The following SLC36A4 variants were observed in gnomAD, a reference collection of about 807,000 sequenced individuals.
SLC36A4 encodes solute carrier family 36 member 4.
Under a neutral mutation model 50.5 loss-of-function variants are expected in SLC36A4, and 49 were observed. The ratio of observed to expected loss-of-function variants is 0.97; its 90% CI spans 0.77 to 1.23. The LOEUF (loss-of-function observed/expected upper bound fraction) is 1.23, where lower values mean the gene tolerates loss of function less well. Among genes scored for constraint, SLC36A4 ranks in the 50% most tolerant of loss-of-function variants. SLC36A4 has a pLI of 0.00. For synonymous variants in SLC36A4, 207 were observed against 206.5 expected (o/e 1.00, Z -0.02); for missense variants, 611 against 608.4 (o/e 1.00, Z -0.05).
rs1859847979 is a variant in SLC36A4, at chr11:93,146,523, A to T, written c.*2014T>A. Reference sequence around the variant, plus strand: ...CTGTTGATACCTAATGTGAATGGTTAAAAAAGTTTTGATTCTTATGACTTT... The same window carrying T: ...CTGTTGATACCTAATGTGAATGGTTTAAAAAGTTTTGATTCTTATGACTTT... On this transcript the variant is annotated 3_prime_UTR_variant, in exon 11 of 11. Transcript: ENST00000326402. 1 of 151,988 alleles carries T rather than the reference A, an allele frequency of 6.6e-6. No individual in the cohort carries two copies. The allele number at this position is 151,988 out of a possible 1,614,324, so 9.4% of individuals were successfully genotyped here. A position where few individuals can be genotyped will look rare whatever the true frequency, so the allele number is the denominator to read the frequency against.
intron 10 of SLC36A4, among the ~76,000 whole-genome samples, chr11:93,151,506 A>C (rs1412002380): frequency 6.6e-6 from 1 of 152,058 alleles, no homozygotes; most frequent in Non-Finnish European, 1.5e-5. Context: ...ATAACTTAGC[A>C]CATTCATTTT....
intron 10 of SLC36A4, among the ~76,000 whole-genome samples, chr11:93,151,460 C>G (rs1860083668): frequency 6.6e-6 from 1 of 151,984 alleles, no homozygotes; most frequent in Non-Finnish European, 1.5e-5. Flanking sequence ...AAACAAAGCA[C>G]TTGATATTAC....
intron 1 of SLC36A4, among the ~76,000 whole-genome samples, chr11:93,191,967 A>G (rs1317061949): frequency 2.0e-5 from 3 of 152,196 alleles, no homozygotes; most frequent in African/African-American, 7.2e-5. Context: ...ATGGTTTCCT[A>G]TTCAATTTCA....
chr11:93,176,781 C>T lies in SLC36A4; in HGVS notation c.540+4016G>A, dbSNP rs560821230. ...TCAGAATGTTGAATATTGGACCCCA[C>T]TCTCTTCTGGCTTGTGGAGTTTCTG... On this transcript the variant is annotated intron_variant, in intron 6 of 10. Transcript: ENST00000326402. Among the ~76,000 whole-genome samples, 4 of 152,318 alleles carry T rather than the reference C, an allele frequency of 2.6e-5. No individual in the cohort carries two copies. The East Asian group carries it at 7.7e-4, about 29-fold the overall frequency.
At chr11:93,159,725 TTACTC>T (rs1414975509) in intron 9 of SLC36A4, 46 of 699,988 alleles carry the variant, frequency 6.6e-5, no homozygotes, top group Non-Finnish European at 7.9e-5. Context: ...ATGTACAGTA[TTACTC>T]ATAACTAATT....
At chr11:93,186,450 T>C (rs1158880180) in intron 1 of SLC36A4, among the ~76,000 whole-genome samples, 2 of 152,228 alleles carry the variant, frequency 1.3e-5, no homozygotes, top group East Asian at 1.9e-4. Flanking sequence ...ATATTGCATT[T>C]AATTGAGTTG....
At chr11:93,185,864 T>A in intron 1 of SLC36A4, 50 bp from the exon 2 acceptor site, 1 of 1,492,152 alleles carries the variant, frequency 6.7e-7, no homozygotes, top group Non-Finnish European at 8.9e-7. Context: ...AAAAGTTGGA[T>A]AAAGCTGGTA....
chr11:93,173,508 TG>T (rs1487423416), intron 6 of SLC36A4, among the ~76,000 whole-genome samples: 2 of 149,766 alleles, frequency 1.3e-5, no homozygotes, highest in East Asian at 3.9e-4. Flanking sequence ...GTTTTGGACA[TG>T]AAGTCCTTGC....
intron 9 of SLC36A4, among the ~76,000 whole-genome samples, chr11:93,158,335 TGTG>T (rs1223444219): frequency 6.6e-6 from 1 of 152,158 alleles, no homozygotes; most frequent in African/African-American, 2.4e-5. Flanking sequence ...ATTTTTAAAA[TGTG>T]GTAATAATAT....
intron 4 of SLC36A4, 47 bp from the exon 5 acceptor site, chr11:93,181,833 G>T (rs756201065): frequency 3.2e-5 from 46 of 1,458,136 alleles, no homozygotes; most frequent in Non-Finnish European, 4.0e-5. Context: ...AAAATTTTAA[G>T]GTGGTCCATA....
chr11:93,186,301 A>G (rs1305020675), intron 1 of SLC36A4, among the ~76,000 whole-genome samples: 1 of 152,146 alleles, frequency 6.6e-6, no homozygotes, highest in African/African-American at 2.4e-5. Flanking sequence ...GAGAACAAGG[A>G]TATTCTCTTA....
intron 1 of SLC36A4, among the ~76,000 whole-genome samples, chr11:93,188,023 G>C (rs1157205839): frequency 6.6e-6 from 1 of 152,056 alleles, no homozygotes; most frequent in African/African-American, 2.4e-5. Context: ...GATTTTCATG[G>C]TGCTTGATCC....
chr11:93,188,521 T>C (rs1331851709), intron 1 of SLC36A4, among the ~76,000 whole-genome samples: 2 of 152,212 alleles, frequency 1.3e-5, no homozygotes, highest in Non-Finnish European at 2.9e-5. Context: ...GGCTGGTTTT[T>C]CTAACCCTTT....
intron 6 of SLC36A4, among the ~76,000 whole-genome samples, chr11:93,173,913 T>C (rs1590960953): frequency 7.1e-6 from 1 of 141,256 alleles, no homozygotes; most frequent in Non-Finnish European, 1.5e-5. Context: ...TGGCTTAGGA[T>C]TGACTTGGCG....
chr11:93,188,156 T>C (rs956218735), intron 1 of SLC36A4, among the ~76,000 whole-genome samples: 5 of 152,344 alleles, frequency 3.3e-5, no homozygotes, highest in Admixed American at 2.0e-4. Context: ...TTGAGGTTCA[T>C]GGTATCCTTG....
intron 7 of SLC36A4, among the ~76,000 whole-genome samples, chr11:93,167,713 C>T (rs770336118): frequency 2.6e-5 from 4 of 152,078 alleles, no homozygotes; most frequent in Non-Finnish European, 4.4e-5. Context: ...AGCCCAGAGG[C>T]GTTATTTACC....
intron 9 of SLC36A4, among the ~76,000 whole-genome samples, chr11:93,155,917 T>C (rs1040914577): frequency 1.3e-5 from 2 of 152,220 alleles, no homozygotes; most frequent in African/African-American, 4.8e-5. Context: ...CATTCTTTTT[T>C]ATGGCTGCAT....
chr11:93,173,480 G>A (rs1253194498), intron 6 of SLC36A4, among the ~76,000 whole-genome samples: 1 of 149,538 alleles, frequency 6.7e-6, no homozygotes, highest in Non-Finnish European at 1.5e-5. Context: ...TTTGTCTTTT[G>A]TTGCCATTGC....
chr11:93,186,908 T>G (rs933493091), intron 1 of SLC36A4, among the ~76,000 whole-genome samples: 1 of 152,068 alleles, frequency 6.6e-6, no homozygotes, highest in Non-Finnish European at 1.5e-5. Context: ...AAGTCTGGGG[T>G]GGGCCTGAAA....
Sources: gnomAD v4.1 joint callset for allele counts (sites outside exome capture counted in the v4.1 genomes callset) on GRCh38, gnomAD v4.1.1 for gene constraint, MANE v1.5 for transcripts, NCBI Gene and HGNC (gene_info 2026-07-23, HGNC 2026-07-21) for gene names.